The following RAPGEF2 variants were observed in gnomAD, a reference collection of about 807,000 sequenced individuals.
The protein encoded by RAPGEF2 is PDZ domain containing guanine nucleotide exchange factor (GEF) 1.
Under a neutral mutation model 186.7 loss-of-function variants are expected in RAPGEF2, and 54 were observed. That is an observed-to-expected ratio of 0.29 (90% confidence interval 0.23 to 0.36). The LOEUF is 0.36. RAPGEF2 is among the 10% of genes least tolerant of loss of function. RAPGEF2 has a pLI of 1.00. For synonymous variants in RAPGEF2, 712 were observed against 705.9 expected (o/e 1.01, Z -0.14); for missense variants, 1,532 against 2,045.0 (o/e 0.75, Z 4.84).
intron 17 of RAPGEF2, among the ~76,000 whole-genome samples, chr4:159,337,422 A>G (rs1384031514): frequency 6.6e-6 from 1 of 152,206 alleles, no homozygotes; most frequent in Non-Finnish European, 1.5e-5. Flanking sequence ...AGGTCAGATT[A>G]TAAAATAATT....
intron 8 of RAPGEF2, among the ~76,000 whole-genome samples, chr4:159,312,814 T>C (rs1053645457): frequency 6.6e-6 from 1 of 152,236 alleles, no homozygotes; most frequent in East Asian, 1.9e-4. Context: ...TGTTCTGTGA[T>C]ATGAACCGGG....
chr4:159,198,344 C>CTT (rs1749024148), intron 3 of RAPGEF2, among the ~76,000 whole-genome samples: 1 of 108,522 alleles, frequency 9.2e-6, no homozygotes, highest in Non-Finnish European at 1.9e-5. Context: ...CTTTTTCTTT[C>CTT]TCTCTCTTTC....
chr4:159,196,755 T>C (rs1748695721), intron 3 of RAPGEF2, among the ~76,000 whole-genome samples: 1 of 152,274 alleles, frequency 6.6e-6, no homozygotes, highest in African/African-American at 2.4e-5. Context: ...AATATTTTAG[T>C]TGCTTTAAAT....
chr4:159,126,550 G>C (rs370881470), intron 1 of RAPGEF2, among the ~76,000 whole-genome samples: 1 of 148,924 alleles, frequency 6.7e-6, no homozygotes, highest in African/African-American at 2.5e-5. Context: ...AAAAAAGCCT[G>C]ATGCCTCCCT....
chr4:159,320,967 CGGACT>C (rs1414899011), intron 9 of RAPGEF2, among the ~76,000 whole-genome samples: 1 of 151,966 alleles, frequency 6.6e-6, no homozygotes, highest in African/African-American at 2.4e-5. Flanking sequence ...CTCTGTGCCA[CGGACT>C]TTTATCATCT....
chr4:159,352,459 A>G, intron 26 of RAPGEF2: 2 of 484,550 alleles, frequency 4.1e-6, no homozygotes, highest in Non-Finnish European at 7.3e-6. Context: ...CCTAGCTTGT[A>G]GGATACTTTC....
At chr4:159,180,238 T>C (rs1476935492) in intron 1 of RAPGEF2, among the ~76,000 whole-genome samples, 4 of 152,242 alleles carry the variant, frequency 2.6e-5, no homozygotes, top group Admixed American at 2.6e-4. Context: ...AGATTGCTTC[T>C]TCCTTTAATT....
At chr4:159,172,921 G>C (rs1009493038) in intron 1 of RAPGEF2, among the ~76,000 whole-genome samples, 1 of 152,060 alleles carries the variant, frequency 6.6e-6, no homozygotes, top group Non-Finnish European at 1.5e-5. Flanking sequence ...TAGTTTATCT[G>C]ATTGGATAAA....
chr4:159,167,456 A>C (rs1031206220), intron 1 of RAPGEF2, among the ~76,000 whole-genome samples: 5 of 152,228 alleles, frequency 3.3e-5, no homozygotes, highest in African/African-American at 1.2e-4. Context: ...TGACGGTTCA[A>C]AGCCCAGCCC....
chr4:159,295,744 T>TGCGCGC (rs1268143258), intron 7 of RAPGEF2, among the ~76,000 whole-genome samples: 3 of 132,680 alleles, frequency 2.3e-5, no homozygotes, highest in Non-Finnish European at 4.8e-5. Context: ...TGTGTGTGTG[T>TGCGCGC]GTGTGTGTGT....
intron 1 of RAPGEF2, among the ~76,000 whole-genome samples, chr4:159,149,259 A>G (rs963202262): frequency 6.6e-6 from 1 of 152,014 alleles, no homozygotes. Context: ...TTTTTTGTTT[A>G]TTTGTTTGTT....
At chr4:159,212,029 G>T (rs900466377) in intron 4 of RAPGEF2, among the ~76,000 whole-genome samples, 1 of 152,104 alleles carries the variant, frequency 6.6e-6, no homozygotes, top group African/African-American at 2.4e-5. Context: ...TAAATGTTTT[G>T]TATATGTTAA....
chr4:159,232,668 T>C (rs931432336), intron 4 of RAPGEF2, among the ~76,000 whole-genome samples: 1 of 152,206 alleles, frequency 6.6e-6, no homozygotes, highest in Non-Finnish European at 1.5e-5. Flanking sequence ...TGCTGTGTCA[T>C]ATGTTAATTC....
intron 24 of RAPGEF2, among the ~76,000 whole-genome samples, chr4:159,346,351 C>T (rs1294601940): frequency 6.6e-6 from 1 of 152,190 alleles, no homozygotes; most frequent in African/African-American, 2.4e-5. Flanking sequence ...AAATAGATTG[C>T]AGTTGACAGC....
rs898152297 is a variant in RAPGEF2, at chr4:159,258,681, C to T, written c.543+14890C>T. Among the ~76,000 whole-genome samples, 14 of 152,182 alleles carry T rather than the reference C, an allele frequency of 9.2e-5. No individual in the cohort carries two copies. The East Asian group carries it at 2.7e-3, about 29-fold the overall frequency. ...TTAAATTTCTGAAGACTCAATAGGT[C>T]TATGAAAGCAGATAGTATCTTTATG... On this transcript the variant is annotated intron_variant, in intron 7 of 29. Transcript: ENST00000691494.
chr4:159,164,274 GA>G (rs1745056114), intron 1 of RAPGEF2, among the ~76,000 whole-genome samples: 9 of 148,048 alleles, frequency 6.1e-5, no homozygotes, highest in Admixed American at 5.9e-4. Flanking sequence ...AAAGTGCTGG[GA>G]TTACAGGCGT....
At chr4:159,318,541 A>G (rs1764872684) in intron 9 of RAPGEF2, among the ~76,000 whole-genome samples, 1 of 152,234 alleles carries the variant, frequency 6.6e-6, no homozygotes, top group South Asian at 2.1e-4. Flanking sequence ...GCAGGAAGAA[A>G]AAAATTCCCT....
At chr4:159,193,532 TAAG>T (rs1297517222) in intron 3 of RAPGEF2, among the ~76,000 whole-genome samples, 3 of 152,136 alleles carry the variant, frequency 2.0e-5, no homozygotes, top group Non-Finnish European at 2.9e-5. Context: ...TATTATGAAA[TAAG>T]AAATAATATA....
chr4:159,121,253 C>T (rs1739648102), intron 1 of RAPGEF2, among the ~76,000 whole-genome samples: 2 of 152,078 alleles, frequency 1.3e-5, no homozygotes, highest in African/African-American at 4.8e-5. Context: ...CTTGGTGGTA[C>T]AGGGAAAAAT....
Sources: gnomAD v4.1 joint callset for allele counts (sites outside exome capture counted in the v4.1 genomes callset) on GRCh38, gnomAD v4.1.1 for gene constraint, MANE v1.5 for transcripts, NCBI Gene and HGNC (gene_info 2026-07-23, HGNC 2026-07-21) for gene names.